Variants in HPSE2 observed in about 807,000 individuals in gnomAD.
HPSE2 encodes the protein inactive heparanase-2.
Under a neutral mutation model 60.5 loss-of-function variants are expected in HPSE2, and 38 were observed. That is an observed-to-expected ratio of 0.63 (90% CI 0.48 to 0.82). HPSE2 has a LOEUF of 0.82. HPSE2 is among the 40% of genes least tolerant of loss of function. HPSE2 has a pLI of 0.00. For missense variants in HPSE2, 713 were observed against 740.4 expected (o/e 0.96, Z 0.43); for synonymous variants, 295 against 293.2 (o/e 1.01, Z -0.06).
At position 98,479,031 on chromosome 10, in the gene HPSE2, A is replaced by G. The variant is rs1941132513; in HGVS notation, c.1613+3605T>C. 2.0e-5 allele frequency among the ~76,000 whole-genome samples: 3 copies of G among 152,310 alleles called. No individual in the cohort carries two copies. The South Asian group carries it at 6.2e-4, about 32-fold the overall frequency. ...ACCCCAAGGGTGCTTCCTGTGTGAT[A>G]CTTGACATACCTTAGCTCTGAGTTC... On this transcript the variant is annotated intron_variant, in intron 11 of 11. Coordinates refer to ENST00000370552, the MANE Select transcript of HPSE2 (RefSeq NM_021828.5).
At chr10:99,079,506 G>A (rs570801571) in intron 3 of HPSE2, among the ~76,000 whole-genome samples, 8 of 152,240 alleles carry the variant, frequency 5.3e-5, no homozygotes, top group African/African-American at 1.2e-4. Context: ...GGGAGAAGCC[G>A]GGATCTGGAG....
intron 2 of HPSE2, among the ~76,000 whole-genome samples, chr10:99,193,168 A>G (rs942489462): frequency 6.6e-6 from 1 of 152,130 alleles, no homozygotes; most frequent in Non-Finnish European, 1.5e-5. Context: ...TAGAGTTTTT[A>G]TTAGTTTTCT....
In HPSE2 at chr10:99,235,792, A is replaced by G. The variant is rs149915031; in HGVS notation, c.11T>C (p.Leu4Pro). The G allele has an allele frequency of 3.7e-6, 6 of 1,613,138 alleles. No individual in the cohort carries two copies. The African/African-American group carries it at 6.7e-5, about 18-fold the overall frequency. MRV[L>P]CAFPEAMPSS... is the part of the protein sequence containing the mutation. ...GGGCATGGCTTCAGGGAAGGCACAA[A>G]GCACCCTCATTCAATCCCTCTGATT... The change falls in exon 1 of 12, where the codon CTT (leucine) becomes CCT (proline). Residue 4 changes from leucine (L) to proline (P), a missense_variant. Physicochemically the swap from Leu to Pro is moderately conservative, Grantham distance 98. Coordinates refer to ENST00000370552, the MANE Select transcript of HPSE2 (RefSeq NM_021828.5).
In HPSE2 at chr10:98,611,852, C is replaced by T. The variant is rs529859469; in HGVS notation, c.1320+3052G>A. 5.9e-5 allele frequency among the ~76,000 whole-genome samples: 9 copies of T among 152,334 alleles called. No homozygotes were observed. The East Asian group carries it at 1.7e-3, about 29-fold the overall frequency. The stretch of plus-strand genomic sequence containing the variant: ...TTACAGCTTGGTGTTTCCAGAAATA[C>T]AGCTGCCCAGATCATTTGAGTCTTT... On this transcript the variant is annotated intron_variant, in intron 9 of 11. Coordinates refer to ENST00000370552, the MANE Select transcript of HPSE2 (RefSeq NM_021828.5).
chr10:98,488,919 C>A (rs76083606), intron 10 of HPSE2, among the ~76,000 whole-genome samples: 58 of 152,326 alleles, frequency 3.8e-4, no homozygotes, highest in Non-Finnish European at 6.2e-4. Context: ...CCCTGCCCCC[C>A]CTCTCCTCAG....
intron 3 of HPSE2, among the ~76,000 whole-genome samples, chr10:98,888,971 A>C (rs1207943049): frequency 2.0e-5 from 3 of 152,144 alleles, no homozygotes; most frequent in African/African-American, 4.8e-5. Context: ...CAGGAGGATC[A>C]CTTGAGGCTA....
the HPSE2 span, among the ~76,000 whole-genome samples, chr10:99,305,979 G>A: frequency 0.25 from 19,827 of 80,502 alleles, 3,020 homozygotes; most frequent in African/African-American, 0.42. Flanking sequence ...GCGCGCGCGC[G>A]CACACACACA....
chr10:99,212,171 A>G (rs538185377), intron 2 of HPSE2, among the ~76,000 whole-genome samples: 27 of 152,274 alleles, frequency 1.8e-4, no homozygotes, highest in South Asian at 1.0e-3. Context: ...AAAAGACAAA[A>G]GATAATAAGT....
chr10:98,736,156 T>C (rs773317927), intron 4 of HPSE2, among the ~76,000 whole-genome samples: 4 of 151,964 alleles, frequency 2.6e-5, no homozygotes, highest in Non-Finnish European at 5.9e-5. Context: ...GTTCTCATGG[T>C]AGTGAATAAG....
At chr10:98,668,714 A>G (rs750186727) in intron 6 of HPSE2, among the ~76,000 whole-genome samples, 2 of 152,202 alleles carry the variant, frequency 1.3e-5, no homozygotes, top group Non-Finnish European at 2.9e-5. Flanking sequence ...ATGCAAAATA[A>G]TGAATCTGGA....
chr10:99,290,253 A>G, the HPSE2 span, among the ~76,000 whole-genome samples: 1 of 152,184 alleles, frequency 6.6e-6, no homozygotes, highest in Non-Finnish European at 1.5e-5. Flanking sequence ...AGAAGTGAAA[A>G]AGCCAGAGTG....
At chr10:99,270,367 G>A in the HPSE2 span, among the ~76,000 whole-genome samples, 537 of 152,174 alleles carry the variant, frequency 3.5e-3, no homozygotes, top group Non-Finnish European at 5.2e-3. Context: ...ACACCTTTAC[G>A]TGCATAAACT....
chr10:98,673,599 C>T (rs1947560873), intron 6 of HPSE2, among the ~76,000 whole-genome samples: 1 of 152,204 alleles, frequency 6.6e-6, no homozygotes, highest in African/African-American at 2.4e-5. Flanking sequence ...ACTCAATTAT[C>T]ATCTTCCCAT....
chr10:99,099,737 C>T (rs1386221787), intron 3 of HPSE2, among the ~76,000 whole-genome samples: 1 of 152,194 alleles, frequency 6.6e-6, no homozygotes, highest in Non-Finnish European at 1.5e-5. Flanking sequence ...CTGGGAGGCA[C>T]CCCCTAGTAG....
Position 98,938,607 on chromosome 10 carries a change from G to C in HPSE2, c.611-194551C>G, listed in dbSNP as rs1358121637. 4.2e-5 allele frequency among the ~76,000 whole-genome samples: 6 copies of C among 144,142 alleles called. 2 individuals carry two copies. The highest frequency in any genetic ancestry group is 5.6e-5 in the African/African-American group (2 of 35,550). 94.6% of individuals were successfully genotyped at this position (144,142 alleles called of 152,430 possible). A position where few individuals can be genotyped will look rare whatever the true frequency, so the allele number is the denominator to read the frequency against. On this transcript the variant is annotated intron_variant, in intron 3 of 11. Coordinates refer to ENST00000370552, the MANE Select transcript of HPSE2 (RefSeq NM_021828.5). ...ATGTGAAAAGACCAAATCTACGTCT[G>C]ATTGGTGTACCTGAAAGTGAGGGGG...
At chr10:98,724,976 A>G (rs1171486585) in intron 4 of HPSE2, among the ~76,000 whole-genome samples, 1 of 152,190 alleles carries the variant, frequency 6.6e-6, no homozygotes. Flanking sequence ...CCACTGCTCA[A>G]TGAAATAAAA....
intron 2 of HPSE2, among the ~76,000 whole-genome samples, chr10:99,208,069 AC>A (rs1292926121): frequency 5.3e-5 from 8 of 150,208 alleles, no homozygotes; most frequent in Non-Finnish European, 1.2e-4. Context: ...TAGTATTATA[AC>A]AAGTTATACC....
chr10:99,293,652 A>G, the HPSE2 span, among the ~76,000 whole-genome samples: 2 of 152,210 alleles, frequency 1.3e-5, no homozygotes, highest in African/African-American at 4.8e-5. Context: ...GACACTGGCG[A>G]AGCTTTTCTT....
intron 2 of HPSE2, among the ~76,000 whole-genome samples, chr10:99,204,768 T>C (rs1848687629): frequency 6.6e-6 from 1 of 152,160 alleles, no homozygotes; most frequent in Non-Finnish European, 1.5e-5. Flanking sequence ...AAGTTGCAGA[T>C]AAACTGCATA....
Sources: gnomAD v4.1 joint callset for allele counts (sites outside exome capture counted in the v4.1 genomes callset) on GRCh38, gnomAD v4.1.1 for gene constraint, MANE v1.5 for transcripts, NCBI Gene and HGNC (gene_info 2026-07-23, HGNC 2026-07-21) for gene names.